ANGPT1: variants seen among roughly 807,000 people sequenced by gnomAD.
ANGPT1 encodes the protein angiopoietin 1, also known as angiopoietin-1.
A neutral mutation model predicts 62.2 loss-of-function variants in ANGPT1; 17 were observed. That is an observed-to-expected ratio of 0.27 (90% confidence interval 0.19 to 0.41). ANGPT1 has a LOEUF of 0.41. Among genes scored for constraint, ANGPT1 ranks in the 10% least tolerant of loss-of-function variants. The probability of loss-of-function intolerance (pLI) is 1.00; values close to 1 mark genes in which losing one functional copy is unlikely to be tolerated. For synonymous variants in ANGPT1, 199 were observed against 198.9 expected, an observed-to-expected ratio of 1.00 and a Z score of 0.00; for missense variants, 478 against 594.9, an observed-to-expected ratio of 0.80 and a Z score of 2.04.
intron 8 of ANGPT1, among the ~76,000 whole-genome samples, chr8:107,257,876 G>GT (rs1371396961): frequency 0.033 from 2,780 of 84,172 alleles, 168 homozygotes; most frequent in African/African-American, 0.12. Context: ...ACTTGTTTTT[G>GT]TTTCTTTTTT....
intron 7 of ANGPT1, among the ~76,000 whole-genome samples, chr8:107,264,716 A>G (rs1813574071): frequency 6.6e-6 from 1 of 152,224 alleles, no homozygotes; most frequent in Admixed American, 6.5e-5. Context: ...GATGTACTAA[A>G]CATTATTAAT....
intron 5 of ANGPT1, among the ~76,000 whole-genome samples, chr8:107,298,565 TAA>T (rs1302411279): frequency 1.3e-5 from 2 of 151,880 alleles, no homozygotes; most frequent in Non-Finnish European, 2.9e-5. Flanking sequence ...CTTGAAAAGT[TAA>T]ATAGTCCTAG....
At chr8:107,368,218 A>G (rs1027538018) in intron 1 of ANGPT1, among the ~76,000 whole-genome samples, 3 of 152,228 alleles carry the variant, frequency 2.0e-5, no homozygotes, top group Non-Finnish European at 4.4e-5. Flanking sequence ...ATTCTTGTGC[A>G]TCTCCATCAG....
chr8:107,389,962 TA>T (rs1381463224), intron 1 of ANGPT1, among the ~76,000 whole-genome samples: 1 of 87,012 alleles, frequency 1.1e-5, no homozygotes, highest in Non-Finnish European at 2.2e-5. Flanking sequence ...CATGCTGCAG[TA>T]AGCTCTTTGA....
intron 1 of ANGPT1, among the ~76,000 whole-genome samples, chr8:107,475,174 A>T (rs1674210817): frequency 6.6e-6 from 1 of 151,918 alleles, no homozygotes; most frequent in Non-Finnish European, 1.5e-5. Context: ...ACGCTACCTG[A>T]CTTCAAACTA....
intron 2 of ANGPT1, among the ~76,000 whole-genome samples, chr8:107,345,972 T>C (rs1485263778): frequency 2.0e-5 from 3 of 152,188 alleles, no homozygotes; most frequent in African/African-American, 7.2e-5. Context: ...ATAAACTAGC[T>C]GCATGAATGT....
chr8:107,257,718 C>A (rs142898320), intron 8 of ANGPT1, among the ~76,000 whole-genome samples: 2,590 of 152,128 alleles, frequency 0.017, 34 homozygotes, highest in African/African-American at 0.024. Flanking sequence ...TGGAAAAAAT[C>A]TCTTGGTGAG....
intron 7 of ANGPT1, among the ~76,000 whole-genome samples, chr8:107,283,127 T>C (rs768104564): frequency 7.9e-5 from 12 of 152,190 alleles, no homozygotes; most frequent in Non-Finnish European, 1.6e-4. Context: ...CTAGTCCTAT[T>C]GTCAGGCTGT....
At chr8:107,253,143 C>T (rs1203852169) in intron 8 of ANGPT1, among the ~76,000 whole-genome samples, 1 of 152,192 alleles carries the variant, frequency 6.6e-6, no homozygotes, top group African/African-American at 2.4e-5. Context: ...CTGCATTAAT[C>T]ACCAGTTCAT....
At chr8:107,386,241 G>A (rs1436180755) in intron 1 of ANGPT1, among the ~76,000 whole-genome samples, 2 of 152,062 alleles carry the variant, frequency 1.3e-5, no homozygotes, top group African/African-American at 4.8e-5. Flanking sequence ...GGGCCCATTT[G>A]AGGATGGAGG....
At chr8:107,458,674 T>C (rs1811987567) in intron 1 of ANGPT1, among the ~76,000 whole-genome samples, 1 of 152,076 alleles carries the variant, frequency 6.6e-6, no homozygotes, top group African/African-American at 2.4e-5. Flanking sequence ...CATTCTGTTA[T>C]AAATAGAAAG....
chr8:107,334,591 G>A (rs1055184489), intron 3 of ANGPT1, among the ~76,000 whole-genome samples: 3 of 151,736 alleles, frequency 2.0e-5, no homozygotes, highest in African/African-American at 7.3e-5. Context: ...AAAACCAAAC[G>A]ACGACTCAGA....
At position 107,291,906 on chromosome 8, in the gene ANGPT1, G is replaced by C. The variant is rs569069181; in HGVS notation, c.1038+2030C>G. Among the ~76,000 whole-genome samples, 29 of 81,092 alleles carry C rather than the reference G, an allele frequency of 3.6e-4. 1 individual carries two copies. In the South Asian group the frequency reaches 0.013, roughly 36 times the overall value. The allele number at this position is 81,092 out of a possible 152,430, so 53.2% of individuals were successfully genotyped here. A position where few individuals can be genotyped will look rare whatever the true frequency, so the allele number is the denominator to read the frequency against. On this transcript the variant is annotated intron_variant, in intron 6 of 8. Transcript: ENST00000517746. The stretch of plus-strand genomic sequence containing the variant: ...CCACTGAAGATGGGGGGGGGGGGGG[G>C]CTTGCCACTTAATAGGCAGTCTATT...
chr8:107,266,352 T>C (rs1813614032), intron 7 of ANGPT1, among the ~76,000 whole-genome samples: 2 of 152,158 alleles, frequency 1.3e-5, no homozygotes, highest in South Asian at 2.1e-4. Flanking sequence ...TTGGCAAAAC[T>C]AACAAGAGAC....
At chr8:107,463,202 C>G (rs747388829) in intron 1 of ANGPT1, among the ~76,000 whole-genome samples, 3 of 152,122 alleles carry the variant, frequency 2.0e-5, no homozygotes, top group Non-Finnish European at 4.4e-5. Context: ...CATATGGCAA[C>G]AAACTGTGGT....
intron 2 of ANGPT1, among the ~76,000 whole-genome samples, chr8:107,343,199 C>G (rs775056320): frequency 7.2e-5 from 11 of 151,918 alleles, no homozygotes; most frequent in Non-Finnish European, 1.5e-4. Context: ...TTTGTGATGT[C>G]TGAAAAGATG....
intron 2 of ANGPT1, among the ~76,000 whole-genome samples, chr8:107,338,508 TA>T (rs2130128127): frequency 6.6e-6 from 1 of 152,316 alleles, no homozygotes; most frequent in South Asian, 2.1e-4. Context: ...ATTTATACTC[TA>T]AAAAAGTTTA....
At chr8:107,460,652 T>C (rs891128827) in intron 1 of ANGPT1, among the ~76,000 whole-genome samples, 3 of 152,146 alleles carry the variant, frequency 2.0e-5, no homozygotes, top group African/African-American at 7.2e-5. Flanking sequence ...GCAGAGAACA[T>C]GATGTGCTAG....
chr8:107,466,647 C>G (rs1380798401), intron 1 of ANGPT1, among the ~76,000 whole-genome samples: 2 of 152,130 alleles, frequency 1.3e-5, no homozygotes, highest in East Asian at 3.9e-4. Context: ...CACAGTGGCT[C>G]ACTCTTGCAA....
Sources: allele counts gnomAD v4.1 joint callset (sites outside exome capture counted in the v4.1 genomes callset), GRCh38; gene constraint gnomAD v4.1.1; transcripts MANE v1.5; gene names NCBI Gene and HGNC (gene_info 2026-07-23, HGNC 2026-07-21).